Variants in TBX1 observed in about 807,000 individuals in gnomAD.
The protein encoded by TBX1 is T-box transcription factor TBX1.
A neutral mutation model predicts 40.8 loss-of-function variants in TBX1; 16 were observed. The observed-to-expected ratio is 0.39, with a 90% CI of 0.27 to 0.60. The LOEUF (loss-of-function observed/expected upper bound fraction) is 0.60. Among genes scored for constraint, TBX1 ranks in the 20% least tolerant of loss-of-function variants. The probability of loss-of-function intolerance (pLI) is 0.51; values close to 1 mark genes in which losing one functional copy is unlikely to be tolerated. For missense variants in TBX1, 755 were observed against 728.5 expected, an observed-to-expected ratio of 1.04 and a Z score of -0.42; for synonymous variants, 403 against 336.8, an observed-to-expected ratio of 1.20 and a Z score of -2.15.
downstream of TBX1, among the ~76,000 whole-genome samples, chr22:19,769,594 C>A (rs1403291282): frequency 2.0e-5 from 3 of 152,218 alleles, no homozygotes; most frequent in African/African-American, 7.2e-5. Context: ...GATTGCCTGC[C>A]CGCTGCGGGG....
At chr22:19,772,858 C>T (rs994291391) in intron 8 of TBX1, among the ~76,000 whole-genome samples, 1 of 152,198 alleles carries the variant, frequency 6.6e-6, no homozygotes, top group Non-Finnish European at 1.5e-5. Flanking sequence ...ACCTTCACCG[C>T]GGGGCTGGGT....
downstream of TBX1, among the ~76,000 whole-genome samples, chr22:19,782,437 T>C (rs1336001897): frequency 6.6e-6 from 1 of 152,238 alleles, no homozygotes; most frequent in African/African-American, 2.4e-5. Flanking sequence ...ACAAAACCTC[T>C]TGTTATGTTG....
chr22:19,756,917 T>TGGCGGGGCGGCGGAGCGC (rs1936499000), upstream of TBX1, among the ~76,000 whole-genome samples: 5 of 30,390 alleles, frequency 1.6e-4, no homozygotes, highest in African/African-American at 5.2e-4. Context: ...GGTGGCGGGG[T>TGGCGGGGCGGCGGAGCGC]GGCGGGGCGG....
chr22:19,761,558 C>T (rs1298091724), intron 1 of TBX1, among the ~76,000 whole-genome samples: 1 of 151,810 alleles, frequency 6.6e-6, no homozygotes, highest in Non-Finnish European at 1.5e-5. Flanking sequence ...GGGACTCGCC[C>T]GCCCGCCCCG....
intron 2 of TBX1, 63 bp downstream of exon 2, chr22:19,763,405 C>T: frequency 6.7e-7 from 1 of 1,483,518 alleles, no homozygotes; most frequent in Admixed American, 1.7e-5. Context: ...CGGGTCTCCG[C>T]CTGGTGACCC....
At chr22:19,759,529 T>C (rs1950432206), upstream of TBX1, 3 of 1,544,734 alleles carry the variant, frequency 1.9e-6, no homozygotes, top group Non-Finnish European at 2.6e-6. Flanking sequence ...CCCGAGCCAG[T>C]GCGTTCAGCA....
chr22:19,764,817 C>T, intron 3 of TBX1, 141 bp from the exon 4 acceptor site: 2 of 1,037,392 alleles, frequency 1.9e-6, no homozygotes, highest in Non-Finnish European at 2.9e-6. Flanking sequence ...AGTGACCCAG[C>T]CTCATCTTGG....
At chr22:19,757,105 G>C (rs192755727), upstream of TBX1, among the ~76,000 whole-genome samples, 210 of 152,322 alleles carry the variant, frequency 1.4e-3, no homozygotes, top group African/African-American at 4.8e-3. Context: ...GTTGAGCAAC[G>C]GGGTCCGGGG....
Position 19,761,064 on chromosome 22 carries a change from C to T in TBX1, c.221C>T (p.Pro74Leu). ...GCCCCCGGCGCCCCGGGCCCGCCGC[C>T]GCCGCCGCACGCCTACCCGTTTGCG... ...AAAPGAPGPPPPPHAYPFAPA... is the reference protein window; with the variant it reads ...AAAPGAPGPPLPPHAYPFAPA... The change falls in exon 1 of 7, where the codon CCG becomes CTG. Residue 74 changes from proline (P) to leucine (L), a missense_variant. Transcript: ENST00000649276. 1.1e-6 allele frequency: 1 copy of T among 920,578 alleles called. No homozygotes were observed. Among genetic ancestry groups the T allele is most frequent in the Non-Finnish European group, 1.3e-6 (1 of 770,914 alleles). The allele number at this position is 920,578 out of a possible 1,614,324, so 57.0% of individuals were successfully genotyped here.
At chr22:19,778,240 G>A (rs1216441079) in intron 8 of TBX1, among the ~76,000 whole-genome samples, 1 of 151,486 alleles carries the variant, frequency 6.6e-6, no homozygotes, top group Non-Finnish European at 1.5e-5. Context: ...GACTACAGGT[G>A]TGTGCCACCA....
At chr22:19,759,996 G>C (rs1477254050), upstream of TBX1, among the ~76,000 whole-genome samples, 1 of 152,226 alleles carries the variant, frequency 6.6e-6, no homozygotes, top group Admixed American at 6.5e-5. Flanking sequence ...GAGAGAGCGG[G>C]AGAGTTTCAC....
In TBX1 at chr22:19,766,325, AT is replaced by A. The variant is rs1323246907; in HGVS notation, c.1037-63del. ...AGCCTTCTCTCCGCCAGGGCCTCGC[AT>A]GGGGCGTCGGAGCTCCTCGGCGGCC... On this transcript the variant is annotated intron_variant, in intron 6 of 6. Transcript: ENST00000649276. 2.4e-6 allele frequency: 3 copies of A among 1,228,558 alleles called. No homozygotes were observed. In the African/African-American group the frequency reaches 4.8e-5, roughly 19 times the overall value. 76.1% of individuals were successfully genotyped at this position (1,228,558 alleles called of 1,614,324 possible).
In TBX1 at chr22:19,765,956, G is replaced by C. The variant is rs1268727769; in HGVS notation, c.990G>C (p.Ser330=). ...ALPLMSAFAR[S]RNPVASPTQP... ...CGCTCATGAGCGCCTTCGCGCGCTCGCGGAACCCCGTGGCTTCCCCGACGC... is the reference window on the plus strand; with the variant it reads ...CGCTCATGAGCGCCTTCGCGCGCTCCCGGAACCCCGTGGCTTCCCCGACGC... The change falls in exon 6 of 7, where the codon TCG becomes TCC. Residue 330 remains serine, a synonymous_variant. Transcript: ENST00000649276. 6.6e-7 allele frequency: 1 copy of C among 1,520,840 alleles called. No individual in the cohort carries two copies. Among genetic ancestry groups the C allele is most frequent in the Admixed American group, 2.1e-5 (1 of 48,734 alleles). 94.2% of individuals were successfully genotyped at this position (1,520,840 alleles called of 1,614,324 possible). A position where few individuals can be genotyped will look rare whatever the true frequency, so the allele number is the denominator to read the frequency against.
upstream of TBX1, among the ~76,000 whole-genome samples, chr22:19,759,913 G>A (rs576026788): frequency 2.0e-5 from 3 of 152,372 alleles, no homozygotes; most frequent in Non-Finnish European, 1.5e-5. Flanking sequence ...CCCGGAAGAG[G>A]GCGAGTGAGG....
chr22:19,775,000 C>T (rs146489238), intron 8 of TBX1, among the ~76,000 whole-genome samples: 4 of 152,284 alleles, frequency 2.6e-5, no homozygotes, highest in East Asian at 1.9e-4. Context: ...AGGCTAGCCT[C>T]GAACTCGGGT....
In TBX1 at chr22:19,766,521, G is replaced by A; in HGVS notation, c.1169G>A (p.Gly390Asp). The A allele has an allele frequency of 7.5e-7, 1 of 1,330,174 alleles. No homozygotes were observed. Among genetic ancestry groups the A allele is most frequent in the Non-Finnish European group, 9.6e-7 (1 of 1,044,574 alleles). The allele number at this position is 1,330,174 out of a possible 1,614,324, so 82.4% of individuals were successfully genotyped here. A position where few individuals can be genotyped will look rare whatever the true frequency, so the allele number is the denominator to read the frequency against. Residue 390 changes from glycine (G) to aspartate (D), a missense_variant, in exon 7 of 7, where the codon GGC (glycine) becomes GAC (aspartate). Around this residue, in one of 3 missense-constraint regions of TBX1, gnomAD observed 412 missense variants for 317.6 expected, o/e 1.30. Transcript: ENST00000649276. ...CTGCCCGGGGCCGGCGGCGCCGGCG[G>A]CTTAGTCCCGCTGCCCGGCGCGCCC... Reference protein sequence around the residue: ...PSLPGAGGAGGLVPLPGAPGG... With the variant: ...PSLPGAGGAGDLVPLPGAPGG...
chr22:19,773,011 G>A (rs1055029650), intron 8 of TBX1, among the ~76,000 whole-genome samples: 2 of 152,206 alleles, frequency 1.3e-5, no homozygotes, highest in African/African-American at 2.4e-5. Flanking sequence ...GGCTGCAGGC[G>A]AGGCCTGGGC....
chr22:19,770,357 G>A (rs1338232474), downstream of TBX1, among the ~76,000 whole-genome samples: 1 of 152,208 alleles, frequency 6.6e-6, no homozygotes, highest in South Asian at 2.1e-4. Flanking sequence ...GGGCCTGGGG[G>A]TGCAGCTGGA....
intron 8 of TBX1, among the ~76,000 whole-genome samples, chr22:19,773,599 G>T (rs1224312054): frequency 6.6e-6 from 1 of 152,212 alleles, no homozygotes; most frequent in Non-Finnish European, 1.5e-5. Context: ...CCCAGTCACT[G>T]CCTGGGAAGC....
Sources: allele counts gnomAD v4.1 joint callset (sites outside exome capture counted in the v4.1 genomes callset), GRCh38; gene constraint gnomAD v4.1.1; regional missense constraint gnomAD v4.1.1; transcripts MANE v1.5; gene names NCBI Gene and HGNC (gene_info 2026-07-23, HGNC 2026-07-21).